The following DPYD variants were observed in gnomAD, a reference collection of about 807,000 sequenced individuals.
The protein encoded by DPYD is dihydropyrimidine dehydrogenase, also known as dihydropyrimidine dehydrogenase [NADP(+)].
Under a neutral mutation model 116.2 loss-of-function variants are expected in DPYD, and 109 were observed. The observed-to-expected ratio is 0.94, with a 90% confidence interval of 0.80 to 1.10. The LOEUF (loss-of-function observed/expected upper bound fraction) is 1.10. DPYD is among the 50% of genes least tolerant of loss of function. The pLI is 0.00. For synonymous variants in DPYD, 440 were observed against 432.0 expected, an observed-to-expected ratio of 1.02 and a Z score of -0.23; for missense variants, 1,302 against 1,254.5, an observed-to-expected ratio of 1.04 and a Z score of -0.57.
chr1:97,311,881 C>T (rs1667542164), intron 16 of DPYD, among the ~76,000 whole-genome samples: 1 of 151,608 alleles, frequency 6.6e-6, no homozygotes, highest in Admixed American at 6.6e-5. Context: ...TAAATATGGT[C>T]TTTAGAGACA....
chr1:97,528,075 C>G (rs1448776083), intron 12 of DPYD, among the ~76,000 whole-genome samples: 1 of 152,124 alleles, frequency 6.6e-6, no homozygotes, highest in Non-Finnish European at 1.5e-5. Context: ...GATTAATTCA[C>G]AGACTGGATT....
intron 8 of DPYD, among the ~76,000 whole-genome samples, chr1:97,665,786 G>A (rs1659523244): frequency 6.6e-6 from 1 of 152,142 alleles, no homozygotes; most frequent in African/African-American, 2.4e-5. Context: ...TGATGAATAT[G>A]CTTGCATAAA....
chr1:97,182,311 G>A (rs1003938987), intron 20 of DPYD, among the ~76,000 whole-genome samples: 4 of 152,078 alleles, frequency 2.6e-5, no homozygotes, highest in African/African-American at 9.7e-5. Context: ...ACCATCTGAC[G>A]ATATTCAGAT....
intron 20 of DPYD, among the ~76,000 whole-genome samples, chr1:97,102,396 C>CATATATATATATATATATATAT (rs372249411): frequency 0.046 from 4,388 of 96,308 alleles, 286 homozygotes; most frequent in Admixed American, 0.062. Flanking sequence ...CACTCAGTAT[C>CATATATATATATATATATATAT]ATATATATAT....
intron 8 of DPYD, among the ~76,000 whole-genome samples, chr1:97,603,193 G>A (rs1571041711): frequency 2.0e-5 from 3 of 151,894 alleles, no homozygotes; most frequent in Non-Finnish European, 4.4e-5. Flanking sequence ...AATGATTGGA[G>A]TTCTTAGATA....
chr1:97,684,209 A>T (rs1660585997), intron 7 of DPYD, among the ~76,000 whole-genome samples: 1 of 152,138 alleles, frequency 6.6e-6, no homozygotes, highest in Admixed American at 6.5e-5. Flanking sequence ...CTTTAGCAGC[A>T]TCCCAGAGAT....
At chr1:97,514,512 C>T (rs924129292) in intron 13 of DPYD, among the ~76,000 whole-genome samples, 12 of 151,728 alleles carry the variant, frequency 7.9e-5, no homozygotes, top group African/African-American at 1.9e-4. Flanking sequence ...TAATTCTTAA[C>T]GAATCAATTG....
At chr1:97,809,335 C>T (rs1033339281) in intron 3 of DPYD, among the ~76,000 whole-genome samples, 2 of 152,112 alleles carry the variant, frequency 1.3e-5, no homozygotes, top group Non-Finnish European at 2.9e-5. Context: ...TTCATGCATG[C>T]CTGTGATTCT....
chr1:97,242,629 T>C lies in DPYD; in HGVS notation c.2300-7635A>G, dbSNP rs1277366155. The stretch of plus-strand genomic sequence containing the variant: ...GATTCTTTTTGATAAAATGGTGTTA[T>C]AATTTACTTCTGTAGTAAAAATATC... On this transcript the variant is annotated intron_variant, in intron 18 of 22. Transcript: ENST00000370192. 2.6e-5 allele frequency among the ~76,000 whole-genome samples: 4 copies of C among 151,804 alleles called. No homozygotes were observed. In the East Asian group the frequency reaches 7.7e-4, roughly 29 times the overall value.
chr1:97,551,776 C>T (rs775995375), intron 11 of DPYD, among the ~76,000 whole-genome samples: 2 of 151,996 alleles, frequency 1.3e-5, no homozygotes, highest in Admixed American at 6.6e-5. Flanking sequence ...GTGGGTTCCA[C>T]ATCTGAGGAT....
intron 19 of DPYD, among the ~76,000 whole-genome samples, chr1:97,195,905 G>C (rs74104307): frequency 1.3e-5 from 2 of 151,016 alleles, no homozygotes; most frequent in African/African-American, 4.9e-5. Flanking sequence ...TGTAACACTC[G>C]GCAATATACC....
rs941031631 is a variant in DPYD at position 97,362,488 on chromosome 1, T to C, written c.2058+11073A>G. Among the ~76,000 whole-genome samples, 8 of 152,258 alleles carry C rather than the reference T, an allele frequency of 5.3e-5. No individual in the cohort carries two copies. The East Asian group carries it at 1.5e-3, about 29-fold the overall frequency. On this transcript the variant is annotated intron_variant, in intron 16 of 22. Transcript: ENST00000370192. ...ATATGGAATCAAAAAATAGCCCACA[T>C]AGGTAAGACAATCCTAAGCAAAAAG...
chr1:97,722,462 G>A (rs1662975783), intron 4 of DPYD, among the ~76,000 whole-genome samples: 1 of 151,514 alleles, frequency 6.6e-6, no homozygotes, highest in African/African-American at 2.4e-5. Context: ...TACTAATGTA[G>A]GGTGTTAATA....
At chr1:97,217,120 A>G (rs1660457007) in intron 19 of DPYD, among the ~76,000 whole-genome samples, 1 of 152,088 alleles carries the variant, frequency 6.6e-6, no homozygotes, top group Non-Finnish European at 1.5e-5. Context: ...AGGCAGGAGA[A>G]TCGCTTGAAC....
At chr1:97,311,745 A>G (rs566268671) in intron 16 of DPYD, among the ~76,000 whole-genome samples, 1 of 151,862 alleles carries the variant, frequency 6.6e-6, no homozygotes, top group Non-Finnish European at 1.5e-5. Flanking sequence ...ATATAGTCAT[A>G]CAATGGAATA....
At chr1:97,167,160 T>C (rs2101759296) in intron 20 of DPYD, among the ~76,000 whole-genome samples, 1 of 152,266 alleles carries the variant, frequency 6.6e-6, no homozygotes, top group Middle Eastern at 3.4e-3. Context: ...TCAGAAGATA[T>C]CCCATTAAAA....
intron 16 of DPYD, among the ~76,000 whole-genome samples, chr1:97,342,895 G>C (rs1428557846): frequency 6.6e-6 from 1 of 151,948 alleles, no homozygotes; most frequent in Non-Finnish European, 1.5e-5. Context: ...CCACCACTTT[G>C]AGAAGAACAA....
At chr1:97,341,042 A>C (rs1030101125) in intron 16 of DPYD, among the ~76,000 whole-genome samples, 1 of 152,198 alleles carries the variant, frequency 6.6e-6, no homozygotes, top group Non-Finnish European at 1.5e-5. Flanking sequence ...AAGTGACAGT[A>C]AAGGCTAGTT....
chr1:97,305,200 C>T, intron 18 of DPYD, 59 bp downstream of exon 18: 2 of 1,610,012 alleles, frequency 1.2e-6, no homozygotes, highest in Non-Finnish European at 1.7e-6. Flanking sequence ...TGCAACATGA[C>T]CTTCTGATTT....
Sources: gnomAD v4.1 joint callset for allele counts (sites outside exome capture counted in the v4.1 genomes callset) on GRCh38, gnomAD v4.1.1 for gene constraint, MANE v1.5 for transcripts, NCBI Gene and HGNC (gene_info 2026-07-23, HGNC 2026-07-21) for gene names.